Variants in TCF20 observed in about 807,000 individuals in gnomAD.
TCF20 encodes the protein transcription factor 20.
TCF20 carries 3 observed loss-of-function variants against 148.6 expected under a neutral mutation model. That is an observed-to-expected ratio of 0.02 (90% CI 0.01 to 0.05). The LOEUF (loss-of-function observed/expected upper bound fraction) is 0.05, where lower values mean the gene tolerates loss of function less well. Among genes scored for constraint, TCF20 ranks in the 10% least tolerant of loss-of-function variants. The pLI is 1.00. For missense variants in TCF20, 2,350 were observed against 2,429.3 expected (o/e 0.97, Z 0.69); for synonymous variants, 1,049 against 909.5 (o/e 1.15, Z -2.76).
rs751030587 is a variant in TCF20 at position 42,210,968 on chromosome 22, C to T, written c.4338G>A (p.Lys1446=). 6.2e-7 allele frequency: 1 copy of T among 1,614,178 alleles called. No individual in the cohort carries two copies. Among genetic ancestry groups the T allele is most frequent in the Non-Finnish European group, 8.5e-7 (1 of 1,180,032 alleles). ...TAACTGTTTCTGCATGTGTCTCTGT[C>T]TTCACTTTGTCATCCACGCTGCCAC... ...EWRGSVDDKV[K]TETHAETVTA... Residue 1446 remains lysine, a synonymous_variant, in exon 2 of 6, where the codon AAG becomes AAA. Coordinates refer to ENST00000677622, the MANE Select transcript of TCF20 (RefSeq NM_001378418.1). The surrounding 1 kb of genome is among the most constrained non-coding windows in gnomAD (Gnocchi z 4.7).
chr22:42,319,215 T>C (rs1927688735), intron 1 of TCF20, among the ~76,000 whole-genome samples: 1 of 152,116 alleles, frequency 6.6e-6, no homozygotes, highest in African/African-American at 2.4e-5. Flanking sequence ...GGGTGAAGAC[T>C]TGGCTGGGGG....
At chr22:42,244,487 A>G (rs1924739326) in intron 1 of TCF20, among the ~76,000 whole-genome samples, 1 of 152,230 alleles carries the variant, frequency 6.6e-6, no homozygotes, top group African/African-American at 2.4e-5. Flanking sequence ...ACACAATACA[A>G]TGTAGATAAA....
At chr22:42,209,152 T>C (rs752201003) in intron 2 of TCF20, among the ~76,000 whole-genome samples, 2 of 152,350 alleles carry the variant, frequency 1.3e-5, no homozygotes, top group South Asian at 2.1e-4. Context: ...GATAAAGTCA[T>C]GCTCAGATAT....
At chr22:42,167,843 C>G (rs2147050398) in intron 5 of TCF20, among the ~76,000 whole-genome samples, 1 of 152,174 alleles carries the variant, frequency 6.6e-6, no homozygotes, top group Admixed American at 6.5e-5. Context: ...CCAGCTCAGC[C>G]TCCTGAGTAG....
chr22:42,217,613 A>G (rs1349388347), intron 1 of TCF20, among the ~76,000 whole-genome samples: 1 of 152,236 alleles, frequency 6.6e-6, no homozygotes, highest in Non-Finnish European at 1.5e-5. Context: ...ACTAGGCCTT[A>G]GAGAACTAGG....
intron 1 of TCF20, among the ~76,000 whole-genome samples, chr22:42,239,215 G>A (rs1273917235): frequency 2.0e-5 from 3 of 152,134 alleles, no homozygotes; most frequent in Non-Finnish European, 2.9e-5. Context: ...GGTGGCTCAT[G>A]CCTGTAATCC....
chr22:42,187,521 A>C (rs1256266640), intron 2 of TCF20, among the ~76,000 whole-genome samples: 1 of 152,244 alleles, frequency 6.6e-6, no homozygotes, highest in Non-Finnish European at 1.5e-5. Context: ...CAAAACGCAC[A>C]GAAAGCCTGA....
intron 1 of TCF20, among the ~76,000 whole-genome samples, chr22:42,253,270 T>G (rs1001702668): frequency 2.0e-5 from 3 of 152,230 alleles, no homozygotes; most frequent in Non-Finnish European, 4.4e-5. Flanking sequence ...ATCAGTGTTG[T>G]GACTTCACAT....
intron 1 of TCF20, among the ~76,000 whole-genome samples, chr22:42,306,871 T>TCTACTAA (rs1397679543): frequency 6.6e-6 from 1 of 151,784 alleles, no homozygotes; most frequent in African/African-American, 2.4e-5. Context: ...AAACTCTGTC[T>TCTACTAA]CTACTAAAAA....
intron 1 of TCF20, among the ~76,000 whole-genome samples, chr22:42,245,371 C>T (rs374379087): frequency 4.6e-5 from 7 of 152,114 alleles, no homozygotes; most frequent in Non-Finnish European, 1.0e-4. Flanking sequence ...TGTGTCCAGC[C>T]TCCTTTACTC....
upstream of TCF20, among the ~76,000 whole-genome samples, chr22:42,284,271 A>G (rs1198856708): frequency 6.6e-6 from 1 of 152,244 alleles, no homozygotes; most frequent in Non-Finnish European, 1.5e-5. Flanking sequence ...TTATGTGTCT[A>G]TTTATAATTG....
At chr22:42,245,332 C>A (rs1220424606) in intron 1 of TCF20, among the ~76,000 whole-genome samples, 1 of 152,134 alleles carries the variant, frequency 6.6e-6, no homozygotes, top group Non-Finnish European at 1.5e-5. Context: ...GATCCTCCCA[C>A]CTAGCATCCC....
upstream of TCF20, among the ~76,000 whole-genome samples, chr22:42,272,577 G>C (rs1196613411): frequency 6.6e-6 from 1 of 152,136 alleles, no homozygotes; most frequent in Non-Finnish European, 1.5e-5. Context: ...TGGAGTCCAG[G>C]CGCCTGTCAG....
chr22:42,297,217 A>G lies in TCF20; in HGVS notation c.-37+46262T>C, dbSNP rs1047793360. 1.3e-5 allele frequency among the ~76,000 whole-genome samples: 2 copies of G among 152,246 alleles called. No individual in the cohort carries two copies. Among genetic ancestry groups the G allele is most frequent in the East Asian group, 3.8e-4 (2 of 5,196 alleles). ...GAGGCTGCCCATCTGGAAAATGGGCATGATCAGAGAGGGCTACGCTGTAGA... is the reference window on the plus strand; with the variant it reads ...GAGGCTGCCCATCTGGAAAATGGGCGTGATCAGAGAGGGCTACGCTGTAGA... On this transcript the variant is annotated intron_variant, in intron 1 of 1. Transcript: ENST00000515426. This position sits in a 1 kb window ranked among gnomAD's most constrained non-coding sequence, Gnocchi z 4.3.
upstream of TCF20, among the ~76,000 whole-genome samples, chr22:42,285,441 C>T (rs1243859622): frequency 2.0e-5 from 3 of 151,990 alleles, no homozygotes; most frequent in East Asian, 1.9e-4. The surrounding 1 kb of genome is among the most constrained non-coding windows in gnomAD (Gnocchi z 4.2). Flanking sequence ...CTCCGAGCAG[C>T]GCACCAGTCC....
rs771336001 is a variant in TCF20 at position 42,210,994 on chromosome 22, G to A, written c.4312C>T (p.Arg1438Cys). 89 of 1,613,928 alleles carry A rather than the reference G, an allele frequency of 5.5e-5. 1 individual carries two copies. The highest frequency in any genetic ancestry group is 2.7e-4 in the South Asian group (25 of 91,078). Reference protein sequence around the residue: ...KPLPRSSEEWRGSVDDKVKTE... With the variant: ...KPLPRSSEEWCGSVDDKVKTE... Reference sequence around the variant, plus strand: ...TTCACTTTGTCATCCACGCTGCCACGCCACTCTTCTGAAGACCTTGGAAGA... The same window carrying A: ...TTCACTTTGTCATCCACGCTGCCACACCACTCTTCTGAAGACCTTGGAAGA... Residue 1438 changes from arginine (R) to cysteine (C), a missense_variant, in exon 2 of 6, where the codon CGT becomes TGT. By Grantham distance (180) the Arg-to-Cys change is radical (BLOSUM62 -3). This residue lies in a region of TCF20 where 231 missense variants were observed against 213.7 expected (regional missense o/e 1.08). Transcript: ENST00000677622. The surrounding 1 kb of genome is among the most constrained non-coding windows in gnomAD (Gnocchi z 4.7).
At position 42,210,836 on chromosome 22, in the gene TCF20, G is replaced by T. The variant is rs770002667; in HGVS notation, c.4470C>A (p.Ile1490=). ...GAGGTACATTCTTTGAGTCTGGAAA[G>T]ATTAAAGGTGCTGTTCCACCCAGGG... The part of the protein sequence containing the change: ...DGSLGGTAPL[I]FPDSKNVPPV... Residue 1490 remains isoleucine (I), a synonymous_variant, in exon 2 of 6, where the codon ATC becomes ATA. Transcript: ENST00000677622. This position sits in a 1 kb window ranked among gnomAD's most constrained non-coding sequence, Gnocchi z 4.7. 1.3e-5 allele frequency: 21 copies of T among 1,614,192 alleles called. No individual in the cohort carries two copies. The highest frequency in any genetic ancestry group is 1.8e-5 in the Non-Finnish European group (21 of 1,180,040).
At position 42,289,888 on chromosome 22, in the gene TCF20, G is replaced by A. The variant is rs923229651; in HGVS notation, c.-37+53591C>T. 2.0e-5 allele frequency among the ~76,000 whole-genome samples: 3 copies of A among 152,190 alleles called. No homozygotes were observed. The South Asian group carries it at 6.2e-4, about 31-fold the overall frequency. ...CCCATTCCAAACATGCCAGAGCCCTGCGGACCCCGGAGGCTGCTACTTAGC... is the reference window on the plus strand; with the variant it reads ...CCCATTCCAAACATGCCAGAGCCCTACGGACCCCGGAGGCTGCTACTTAGC... On this transcript the variant is annotated intron_variant, in intron 1 of 1. Transcript: ENST00000515426.
chr22:42,319,144 G>A (rs1274579001), intron 1 of TCF20, among the ~76,000 whole-genome samples: 7 of 152,196 alleles, frequency 4.6e-5, no homozygotes, highest in Admixed American at 6.5e-5. Context: ...GTATGTGACC[G>A]TCACACGTAA....
Sources: allele counts gnomAD v4.1 joint callset (sites outside exome capture counted in the v4.1 genomes callset), GRCh38; gene constraint gnomAD v4.1.1; regional missense constraint gnomAD v4.1.1; non-coding constraint Gnocchi (gnomAD v3.1); transcripts MANE v1.5; gene names NCBI Gene and HGNC (gene_info 2026-07-23, HGNC 2026-07-21).